Variants in STK24 observed in about 807,000 individuals in gnomAD.
The protein encoded by STK24 is serine/threonine kinase 24, also known as serine/threonine-protein kinase 24.
A neutral mutation model predicts 55.6 loss-of-function variants in STK24; 21 were observed. The observed-to-expected ratio is 0.38, with a 90% CI of 0.27 to 0.54. The LOEUF is 0.54. STK24 is among the 20% of genes least tolerant of loss of function. The pLI, the probability that STK24 is intolerant of heterozygous loss-of-function variation, is 0.79. For missense variants in STK24, 383 were observed against 538.4 expected, an observed-to-expected ratio of 0.71 and a Z score of 2.86; for synonymous variants, 200 against 215.2, an observed-to-expected ratio of 0.93 and a Z score of 0.62.
chr13:98,562,265 TG>T (rs758252545), intron 1 of STK24, among the ~76,000 whole-genome samples: 6 of 152,154 alleles, frequency 3.9e-5, no homozygotes, highest in Non-Finnish European at 5.9e-5. Flanking sequence ...TTAACGGAGA[TG>T]GAGTGAAGAT....
chr13:98,492,057 C>T (rs1427878135), intron 2 of STK24, among the ~76,000 whole-genome samples: 1 of 144,648 alleles, frequency 6.9e-6, no homozygotes, highest in Non-Finnish European at 1.5e-5. Context: ...ATCAATTCAC[C>T]TCCTTTAAAG....
chr13:98,491,691 CAAAAA>C (rs11285292), intron 2 of STK24, among the ~76,000 whole-genome samples: 1 of 132,734 alleles, frequency 7.5e-6, no homozygotes. Flanking sequence ...ATTACTAAGC[CAAAAA>C]AAAAAAAAAA....
In STK24 at chr13:98,448,221, G is replaced by T. The variant is rs758536289; in HGVS notation, c.*4952C>A. 6.8e-6 allele frequency: 11 copies of T among 1,611,088 alleles called. No homozygotes were observed. The East Asian group carries it at 2.5e-4, about 36-fold the overall frequency. On this transcript the variant is annotated 3_prime_UTR_variant, in exon 11 of 11. Coordinates refer to ENST00000539966, the MANE Select transcript of STK24 (RefSeq NM_001032296.4). Reference sequence around the variant, plus strand: ...CCAAACAAAAGGTTGACTAACTGGCGTTCCCGTGTTGCAGGTGGATGGAAG... The same window carrying T: ...CCAAACAAAAGGTTGACTAACTGGCTTTCCCGTGTTGCAGGTGGATGGAAG...
In STK24 at chr13:98,576,752, C is replaced by T; in HGVS notation, c.35G>A (p.Gly12Asp). Residue 12 changes from glycine (G) to aspartate (D), a missense_variant, in exon 1 of 11, where the codon GGC (glycine) becomes GAC (aspartate). Physicochemically the swap from Gly to Asp is moderately conservative, Grantham distance 94. Transcript: ENST00000539966. Reference protein sequence around the residue: ...AHSPVQSGLPGMQNLKADPEE... With the variant: ...AHSPVQSGLPDMQNLKADPEE... Reference sequence around the variant, plus strand: ...CGGCCCGCGCCCGCCTACCTGCATGCCGGGCAGGCCCGACTGCACCGGGGA... The same window carrying T: ...CGGCCCGCGCCCGCCTACCTGCATGTCGGGCAGGCCCGACTGCACCGGGGA... 1.4e-6 allele frequency: 2 copies of T among 1,457,528 alleles called. No individual in the cohort carries two copies. Among genetic ancestry groups the T allele is most frequent in the East Asian group, 3.1e-5 (1 of 32,034 alleles). The allele number at this position is 1,457,528 out of a possible 1,614,324, so 90.3% of individuals were successfully genotyped here.
intron 1 of STK24, among the ~76,000 whole-genome samples, chr13:98,527,529 G>T (rs1896465827): frequency 6.6e-6 from 1 of 152,216 alleles, no homozygotes; most frequent in South Asian, 2.1e-4. Flanking sequence ...AGGGAGCCCT[G>T]ACACAGAGGC....
chr13:98,545,956 AC>A (rs1053582238), intron 1 of STK24, among the ~76,000 whole-genome samples: 7 of 152,214 alleles, frequency 4.6e-5, no homozygotes, highest in Non-Finnish European at 1.0e-4. Context: ...GCTAAAAAAA[AC>A]ATGAAAGTTT....
intron 2 of STK24, among the ~76,000 whole-genome samples, chr13:98,513,886 A>C (rs1322755275): frequency 6.6e-6 from 1 of 152,208 alleles, no homozygotes; most frequent in Non-Finnish European, 1.5e-5. Flanking sequence ...TGCTTTCAGA[A>C]ACTAACATAA....
At chr13:98,556,835 C>T (rs1897300364) in intron 1 of STK24, among the ~76,000 whole-genome samples, 2 of 152,360 alleles carry the variant, frequency 1.3e-5, no homozygotes, top group East Asian at 1.9e-4. Flanking sequence ...CACCACTAAA[C>T]TGGACAAGAG....
At position 98,569,852 on chromosome 13, in the gene STK24, GAAA is replaced by G. The variant is rs56223563; in HGVS notation, c.42+6890_42+6892del. Among the ~76,000 whole-genome samples the G allele has an allele frequency of 1.0e-3, 141 of 136,688 alleles. 1 individual carries two copies. In the Middle Eastern group the frequency reaches 0.023, roughly 22 times the overall value. The allele number at this position is 136,688 out of a possible 152,430, so 89.7% of individuals were successfully genotyped here. ...GTCTATAGACAATGCCTGAAACCAGGAAAAAAAAAAAAACACAGGCAGAAATTT... is the reference window on the plus strand; with the variant it reads ...GTCTATAGACAATGCCTGAAACCAGGAAAAAAAAAACACAGGCAGAAATTT... On this transcript the variant is annotated intron_variant, in intron 1 of 10. Coordinates refer to ENST00000539966, the MANE Select transcript of STK24 (RefSeq NM_001032296.4).
At chr13:98,550,246 A>G (rs959910788) in intron 1 of STK24, among the ~76,000 whole-genome samples, 2 of 152,218 alleles carry the variant, frequency 1.3e-5, no homozygotes, top group African/African-American at 4.8e-5. Context: ...TTTTCATTTT[A>G]CATAGGAACA....
At chr13:98,523,658 A>T (rs1896335505) in intron 1 of STK24, among the ~76,000 whole-genome samples, 1 of 152,228 alleles carries the variant, frequency 6.6e-6, no homozygotes, top group Admixed American at 6.5e-5. Flanking sequence ...AGCTCCCAGG[A>T]TGTGCCTCAA....
At position 98,461,921 on chromosome 13, in the gene STK24, C is replaced by G. The variant is rs751727515; in HGVS notation, c.930-24G>C. The G allele has an allele frequency of 4.3e-6, 7 of 1,612,658 alleles. No homozygotes were observed. The Admixed American group carries it at 8.3e-5, about 19-fold the overall frequency. On this transcript the variant is annotated intron_variant, in intron 7 of 10. Coordinates refer to ENST00000539966, the MANE Select transcript of STK24 (RefSeq NM_001032296.4). ...CCCTTAACACAGAAATGCAGGAAAT[C>G]CCATCAGTGCTCGCACACCTGCTCT...
chr13:98,506,406 C>A (rs1317295846), intron 2 of STK24, among the ~76,000 whole-genome samples: 2 of 152,198 alleles, frequency 1.3e-5, no homozygotes, highest in Non-Finnish European at 2.9e-5. Context: ...TCATAGGCAA[C>A]CGTGAACATC....
At chr13:98,570,358 C>T (rs970515507) in intron 1 of STK24, among the ~76,000 whole-genome samples, 3 of 152,096 alleles carry the variant, frequency 2.0e-5, no homozygotes, top group African/African-American at 7.2e-5. Flanking sequence ...AAACAAAATC[C>T]TAAGTAATTA....
chr13:98,461,973 G>A, intron 7 of STK24, 76 bp from the exon 8 acceptor site: 1 of 1,572,048 alleles, frequency 6.4e-7, no homozygotes, highest in South Asian at 1.1e-5. Context: ...TCAGGGGGAG[G>A]CCGCCTGGGG....
At chr13:98,570,740 G>T (rs188054758) in intron 1 of STK24, among the ~76,000 whole-genome samples, 32 of 152,262 alleles carry the variant, frequency 2.1e-4, no homozygotes, top group African/African-American at 7.5e-4. Context: ...GCAAACCAGG[G>T]AGCCATTTAG....
intron 5 of STK24, among the ~76,000 whole-genome samples, chr13:98,466,986 T>C (rs1397305241): frequency 2.0e-5 from 3 of 152,268 alleles, no homozygotes; most frequent in African/African-American, 7.2e-5. Flanking sequence ...TCAAGATACC[T>C]GGGTTGAAAT....
chr13:98,530,518 T>C (rs1896553934), intron 1 of STK24, among the ~76,000 whole-genome samples: 2 of 152,136 alleles, frequency 1.3e-5, no homozygotes, highest in South Asian at 4.1e-4. Context: ...GACGATTATG[T>C]GACTTGTCTT....
intron 1 of STK24, among the ~76,000 whole-genome samples, chr13:98,525,687 C>T (rs1302593360): frequency 6.6e-6 from 1 of 152,198 alleles, no homozygotes; most frequent in South Asian, 2.1e-4. Context: ...CCCGAGCTCA[C>T]CGAGCCTCGA....
Sources: gnomAD v4.1 joint callset for allele counts (sites outside exome capture counted in the v4.1 genomes callset) on GRCh38, gnomAD v4.1.1 for gene constraint, MANE v1.5 for transcripts, NCBI Gene and HGNC (gene_info 2026-07-23, HGNC 2026-07-21) for gene names.